The following HOMER2 variants were observed in gnomAD, a reference collection of about 807,000 sequenced individuals.
HOMER2 encodes the protein homer protein homolog 2.
In HOMER2, 27 loss-of-function variants were observed where a neutral mutation model predicts 47.0. The observed-to-expected ratio is 0.57, with a 90% CI of 0.42 to 0.79. The LOEUF (loss-of-function observed/expected upper bound fraction) is 0.79, where lower values mean the gene tolerates loss of function less well. Ranked by LOEUF, HOMER2 falls within the 30% of genes least tolerant of loss-of-function variation. The pLI is 0.00. For missense variants in HOMER2, 443 were observed against 435.0 expected (o/e 1.02, Z -0.16); for synonymous variants, 161 against 163.8 (o/e 0.98, Z 0.13).
Position 82,855,014 on chromosome 15 carries a change from A to G in HOMER2, c.495-214T>C, listed in dbSNP as rs140089450. 3.8e-4 allele frequency among the ~76,000 whole-genome samples: 58 copies of G among 152,318 alleles called. No individual in the cohort carries two copies. The East Asian group carries it at 0.011, about 29-fold the overall frequency. ...GTGTGAACATGTCATCCTGTGGTCTATCTTCTTAAAGAATCACCTTAGAAG... is the reference window on the plus strand; with the variant it reads ...GTGTGAACATGTCATCCTGTGGTCTGTCTTCTTAAAGAATCACCTTAGAAG... On this transcript the variant is annotated intron_variant, in intron 5 of 8. Coordinates refer to ENST00000450735, the MANE Select transcript of HOMER2 (RefSeq NM_004839.4).
intron 1 of HOMER2, among the ~76,000 whole-genome samples, chr15:82,927,681 G>A (rs1319133330): frequency 3.9e-5 from 6 of 152,182 alleles, no homozygotes; most frequent in African/African-American, 9.7e-5. Flanking sequence ...TGTAAGAAGT[G>A]CACTGCTGGC....
chr15:82,984,689 C>T (rs1465601006), intron 1 of HOMER2, among the ~76,000 whole-genome samples: 3 of 152,078 alleles, frequency 2.0e-5, no homozygotes, highest in African/African-American at 7.2e-5. Flanking sequence ...TGGTGGTGTG[C>T]ACCTGTAGTC....
chr15:82,962,410 C>T (rs117649951), intron 1 of HOMER2, among the ~76,000 whole-genome samples: 5,452 of 148,650 alleles, frequency 0.037, 143 homozygotes, highest in Middle Eastern at 0.072. Flanking sequence ...GGCATGGTGG[C>T]TCACACCTGT....
chr15:82,915,141 TTG>T (rs915219623), intron 1 of HOMER2, among the ~76,000 whole-genome samples: 1 of 146,852 alleles, frequency 6.8e-6, no homozygotes, highest in African/African-American at 2.6e-5. Flanking sequence ...TTTTTTTTAA[TTG>T]AAAAAAAAAA....
chr15:82,911,857 C>G (rs1203200748), intron 1 of HOMER2, among the ~76,000 whole-genome samples: 1 of 151,962 alleles, frequency 6.6e-6, no homozygotes, highest in African/African-American at 2.4e-5. Flanking sequence ...TGGTAAAACC[C>G]CCATCTCTAC....
In HOMER2 at chr15:82,950,741, C is replaced by T. The variant is rs747757621; in HGVS notation, c.5+1790G>A. Among the ~76,000 whole-genome samples, 23 of 152,198 alleles carry T rather than the reference C, an allele frequency of 1.5e-4. 1 individual carries two copies. The highest frequency in any genetic ancestry group is 4.4e-5 in the Non-Finnish European group (3 of 68,022). On this transcript the variant is annotated intron_variant, in intron 1 of 8. Transcript: ENST00000450735. ...AATGATGTTAAAATTACATGAAAGA[C>T]ATATTCTGTGTTTAAACAAAATCCC...
intron 1 of HOMER2, among the ~76,000 whole-genome samples, chr15:82,893,329 CTTTTT>C (rs771392216): frequency 8.4e-6 from 1 of 118,958 alleles, no homozygotes. Context: ...ATAATTTTAT[CTTTTT>C]TTTTTTTTTT....
intron 7 of HOMER2, 107 bp from the exon 8 acceptor site, chr15:82,851,338 C>T (rs2051388380): frequency 5.4e-6 from 4 of 742,602 alleles, no homozygotes; most frequent in Non-Finnish European, 9.4e-6. Flanking sequence ...GGGACCCTGT[C>T]CTGTTTGCAT....
intron 1 of HOMER2, among the ~76,000 whole-genome samples, chr15:82,935,382 T>A (rs1215374659): frequency 6.6e-6 from 1 of 152,088 alleles, no homozygotes; most frequent in Non-Finnish European, 1.5e-5. Flanking sequence ...TCCTCCTCTA[T>A]CTTCTCTGCT....
At chr15:82,902,687 C>T (rs987239803) in intron 1 of HOMER2, among the ~76,000 whole-genome samples, 5 of 152,114 alleles carry the variant, frequency 3.3e-5, no homozygotes, top group African/African-American at 7.2e-5. Context: ...TTATGGAAGA[C>T]GTCATGCCAT....
chr15:82,914,178 TACACACACACACACACACACACACACAC>T (rs58323062), intron 1 of HOMER2, among the ~76,000 whole-genome samples: 1 of 116,758 alleles, frequency 8.6e-6, no homozygotes, highest in Non-Finnish European at 1.7e-5. Flanking sequence ...CTACTAAAAA[TACACACACACACACACACACACACACAC>T]ACACACACAC....
rs1054232780 is a variant in HOMER2 at position 82,858,478 on chromosome 15, T to C, written c.494+551A>G. The stretch of plus-strand genomic sequence containing the variant: ...TGGCTAGTTTTTAAAATATTTTTTC[T>C]AGAGACAGGATTTCATCATGTTACC... On this transcript the variant is annotated intron_variant, in intron 5 of 8. Coordinates refer to ENST00000450735, the MANE Select transcript of HOMER2 (RefSeq NM_004839.4). Among the ~76,000 whole-genome samples the C allele has an allele frequency of 2.6e-5, 4 of 152,148 alleles. No individual in the cohort carries two copies. The South Asian group carries it at 8.3e-4, about 32-fold the overall frequency.
At chr15:82,854,832 G>T in intron 5 of HOMER2, 32 bp from the exon 6 acceptor site, 1 of 1,595,100 alleles carries the variant, frequency 6.3e-7, no homozygotes. Context: ...TGACGACGGG[G>T]TGGGTGCTGT....
intron 3 of HOMER2, among the ~76,000 whole-genome samples, chr15:82,871,651 C>T (rs550131761): frequency 6.6e-6 from 1 of 152,124 alleles, no homozygotes; most frequent in African/African-American, 2.4e-5. Flanking sequence ...TTGTGGGCAC[C>T]GAGCAGAACT....
At chr15:82,906,028 C>A (rs1217617289) in intron 1 of HOMER2, among the ~76,000 whole-genome samples, 1 of 152,060 alleles carries the variant, frequency 6.6e-6, no homozygotes, top group Non-Finnish European at 1.5e-5. Flanking sequence ...ATGATATAAG[C>A]TATGGGATGG....
At chr15:82,872,715 C>T (rs1408359330) in intron 3 of HOMER2, among the ~76,000 whole-genome samples, 1 of 149,280 alleles carries the variant, frequency 6.7e-6, no homozygotes, top group East Asian at 1.9e-4. Flanking sequence ...ATCCTGTTGT[C>T]GGGCAGACGA....
At chr15:82,935,516 G>A (rs890478258) in intron 1 of HOMER2, among the ~76,000 whole-genome samples, 2 of 151,740 alleles carry the variant, frequency 1.3e-5, no homozygotes, top group Non-Finnish European at 2.9e-5. Flanking sequence ...CTGACCTCTC[G>A]GCTAAGCCAC....
chr15:82,962,693 G>T (rs2054641981), intron 1 of HOMER2, among the ~76,000 whole-genome samples: 1 of 152,112 alleles, frequency 6.6e-6, no homozygotes, highest in Admixed American at 6.6e-5. Flanking sequence ...AAAAGTCCGG[G>T]AAGTGGGGAC....
chr15:82,980,034 G>A (rs1208791633), intron 1 of HOMER2, among the ~76,000 whole-genome samples: 1 of 152,148 alleles, frequency 6.6e-6, no homozygotes, highest in African/African-American at 2.4e-5. Context: ...ACTTTTAAGT[G>A]GCAGGCAGAG....
Sources: gnomAD v4.1 joint callset for allele counts (sites outside exome capture counted in the v4.1 genomes callset) on GRCh38, gnomAD v4.1.1 for gene constraint, MANE v1.5 for transcripts, NCBI Gene and HGNC (gene_info 2026-07-23, HGNC 2026-07-21) for gene names.